Variants in SP110 observed in about 807,000 individuals in gnomAD.
The protein encoded by SP110 is interferon-induced protein 41, 30kD.
A neutral mutation model predicts 92.7 loss-of-function variants in SP110; 62 were observed. That is an observed-to-expected ratio of 0.67 (90% CI 0.55 to 0.83). The LOEUF (loss-of-function observed/expected upper bound fraction) is 0.83, where lower values mean the gene tolerates loss of function less well. Among genes scored for constraint, SP110 ranks in the 40% least tolerant of loss-of-function variants. The pLI, the probability that SP110 is intolerant of heterozygous loss-of-function variation, is 0.00. For missense variants in SP110, 793 were observed against 863.9 expected (o/e 0.92, Z 1.03); for synonymous variants, 273 against 305.3 (o/e 0.89, Z 1.10).
At chr2:230,214,876 A>G in intron 3 of SP110, 74 bp downstream of exon 3, 2 of 1,272,254 alleles carry the variant, frequency 1.6e-6, no homozygotes, top group Non-Finnish European at 2.3e-6. Flanking sequence ...CATATTCCAC[A>G]GGGCTAGAAG....
At chr2:230,218,747 A>G (rs1352905085) in intron 1 of SP110, among the ~76,000 whole-genome samples, 1 of 152,236 alleles carries the variant, frequency 6.6e-6, no homozygotes, top group Non-Finnish European at 1.5e-5. Flanking sequence ...TTTCTATGCA[A>G]GATACTACAT....
At chr2:230,222,554 A>T (rs1045710572), upstream of SP110, among the ~76,000 whole-genome samples, 2 of 152,120 alleles carry the variant, frequency 1.3e-5, no homozygotes, top group Non-Finnish European at 2.9e-5. Context: ...CCTCGTCTCT[A>T]CAAAAATACA....
At position 230,167,820 on chromosome 2, in the gene SP110, T is replaced by G. The variant is rs2078333393; in HGVS notation, c.*1304A>C. The G allele has an allele frequency of 6.6e-6, 1 of 152,086 alleles. No individual in the cohort carries two copies. The highest frequency in any genetic ancestry group is 2.4e-5 in the African/African-American group (1 of 41,398). The allele number at this position is 152,086 out of a possible 1,614,324, so 9.4% of individuals were successfully genotyped here. A position where few individuals can be genotyped will look rare whatever the true frequency, so the allele number is the denominator to read the frequency against. ...CCTGAATTCTTGATCCACAGAATAGTGAGCAATAAAATGTTTTTTTCTTTT... is the reference window on the plus strand; with the variant it reads ...CCTGAATTCTTGATCCACAGAATAGGGAGCAATAAAATGTTTTTTTCTTTT... On this transcript the variant is annotated 3_prime_UTR_variant, in exon 19 of 19. Coordinates refer to ENST00000258381, the MANE Select transcript of SP110 (RefSeq NM_080424.4).
chr2:230,180,085 G>C (rs972011017), intron 12 of SP110, among the ~76,000 whole-genome samples: 2 of 152,186 alleles, frequency 1.3e-5, no homozygotes, highest in Non-Finnish European at 2.9e-5. Flanking sequence ...TCTAACGGCA[G>C]CTGGCTTGTT....
In SP110 at chr2:230,210,491, G is replaced by A. The variant is rs2114592; in HGVS notation, c.752-483C>T. On this transcript the variant is annotated intron_variant, in intron 6 of 18. Transcript: ENST00000258381. ...CATCTTATTGCTTTGACGTCTATGT[G>A]TGGATATTCTTTAACTGCTCTATCT... 0.13 allele frequency among the ~76,000 whole-genome samples: 19,191 copies of A among 152,214 alleles called. 1,372 individuals carry two copies. The highest frequency in any genetic ancestry group is 0.27 in the South Asian group (1,303 of 4,824).
At chr2:230,195,088 T>A (rs2042806715) in intron 10 of SP110, among the ~76,000 whole-genome samples, 2 of 152,028 alleles carry the variant, frequency 1.3e-5, no homozygotes, top group Non-Finnish European at 2.9e-5. Flanking sequence ...AACTTGGCCA[T>A]ATTCTTTTCT....
Position 230,166,864 on chromosome 2 carries a change from C to T in SP110, c.*2260G>A, listed in dbSNP as rs1380956162. Among the ~76,000 whole-genome samples the T allele has an allele frequency of 6.6e-5, 10 of 152,258 alleles. No individual in the cohort carries two copies. The South Asian group carries it at 1.9e-3, about 28-fold the overall frequency. Reference sequence around the variant, plus strand: ...TTTCCTGCCCTGGGATTAGGGGGAACTAGCAACATGTGCTTGACTGGATTT... The same window carrying T: ...TTTCCTGCCCTGGGATTAGGGGGAATTAGCAACATGTGCTTGACTGGATTT... On this transcript the variant is annotated 3_prime_UTR_variant, in exon 19 of 19. Coordinates refer to ENST00000258381, the MANE Select transcript of SP110 (RefSeq NM_080424.4).
chr2:230,177,792 T>C (rs756345889), intron 13 of SP110, 112 bp from the exon 14 acceptor site: 26 of 1,230,224 alleles, frequency 2.1e-5, no homozygotes, highest in Middle Eastern at 1.9e-4. Flanking sequence ...AGACTTCCTC[T>C]GTGAGGTGGA....
chr2:230,217,638 A>T (rs983685387), intron 1 of SP110, among the ~76,000 whole-genome samples: 1 of 152,202 alleles, frequency 6.6e-6, no homozygotes, highest in African/African-American at 2.4e-5. Flanking sequence ...CTGTTGAGGA[A>T]CTGAGACACA....
chr2:230,200,832 G>C, intron 10 of SP110, 53 bp downstream of exon 10: 1 of 1,335,310 alleles, frequency 7.5e-7, no homozygotes, highest in Non-Finnish European at 1.1e-6. Context: ...AGACAGCTCT[G>C]AATTTAGATT....
At chr2:230,214,601 C>T (rs1352899079) in intron 3 of SP110, among the ~76,000 whole-genome samples, 3 of 152,192 alleles carry the variant, frequency 2.0e-5, no homozygotes, top group African/African-American at 7.2e-5. Context: ...TTTTTTCTTC[C>T]TCCCTGGCTC....
At chr2:230,201,956 A>G (rs1280713657) in intron 9 of SP110, among the ~76,000 whole-genome samples, 1 of 152,214 alleles carries the variant, frequency 6.6e-6, no homozygotes, top group Non-Finnish European at 1.5e-5. Context: ...TTTAAACTAG[A>G]TATCTGTGTA....
rs1355271921 is a variant in SP110, at chr2:230,211,752, T to G, written c.668-199A>C. On this transcript the variant is annotated intron_variant, in intron 5 of 18. Coordinates refer to ENST00000258381, the MANE Select transcript of SP110 (RefSeq NM_080424.4). The surrounding 1 kb of genome is among the most constrained non-coding windows in gnomAD (Gnocchi z 4.2). ...CACTTGTTCTTCCATTGCTGTTAGC[T>G]TCCTGATTATGTTAACCTTTTTGGA... is the stretch of plus-strand genomic sequence containing the variant. 6.6e-6 allele frequency among the ~76,000 whole-genome samples: 1 copy of G among 152,220 alleles called. No homozygotes were observed. The highest frequency in any genetic ancestry group is 1.9e-4 in the East Asian group (1 of 5,196).
chr2:230,184,611 C>T (rs2042271733), intron 11 of SP110, among the ~76,000 whole-genome samples: 1 of 152,076 alleles, frequency 6.6e-6, no homozygotes, highest in African/African-American at 2.4e-5. Context: ...CAAATGGCTC[C>T]ACAACCAAAA....
chr2:230,177,976 G>T (rs924317828), intron 13 of SP110, among the ~76,000 whole-genome samples, 181 bp downstream of exon 13: 1 of 152,146 alleles, frequency 6.6e-6, no homozygotes, highest in Non-Finnish European at 1.5e-5. Flanking sequence ...GGAGTGGAGG[G>T]TCTGATTGCC....
chr2:230,204,562 A>G (rs1302370314), intron 8 of SP110, among the ~76,000 whole-genome samples: 2 of 152,022 alleles, frequency 1.3e-5, no homozygotes, highest in Non-Finnish European at 2.9e-5. Flanking sequence ...CCTTTGTCAG[A>G]TCATTATTCA....
At chr2:230,221,470 G>C (rs1017160144), upstream of SP110, among the ~76,000 whole-genome samples, 3 of 152,066 alleles carry the variant, frequency 2.0e-5, no homozygotes, top group Non-Finnish European at 4.4e-5. Context: ...TTCTATGCAG[G>C]CACAAACAGC....
chr2:230,189,090 CTCTCT>C (rs956440418), intron 10 of SP110, among the ~76,000 whole-genome samples: 2 of 38,728 alleles, frequency 5.2e-5, no homozygotes, highest in Non-Finnish European at 1.0e-4. Flanking sequence ...TTTGAAACTT[CTCTCT>C]TTTTTTTTGG....
chr2:230,192,617 C>A (rs1574642872), intron 10 of SP110, among the ~76,000 whole-genome samples: 1 of 152,140 alleles, frequency 6.6e-6, no homozygotes, highest in East Asian at 1.9e-4. Context: ...ACAAACCACT[C>A]CTCAAGGAAA....
Sources: allele counts gnomAD v4.1 joint callset (sites outside exome capture counted in the v4.1 genomes callset), GRCh38; gene constraint gnomAD v4.1.1; non-coding constraint Gnocchi (gnomAD v3.1); transcripts MANE v1.5; gene names NCBI Gene and HGNC (gene_info 2026-07-23, HGNC 2026-07-21).